Variants in C1D observed in about 807,000 individuals in gnomAD.
C1D encodes the protein nuclear nucleic acid-binding protein C1D.
In C1D, 10 loss-of-function variants were observed where a neutral mutation model predicts 17.5. That is an observed-to-expected ratio of 0.57 (90% CI 0.35 to 0.97). C1D has a LOEUF of 0.97. Among genes scored for constraint, C1D ranks in the 50% least tolerant of loss-of-function variants. The pLI, the probability that C1D is intolerant of heterozygous loss-of-function variation, is 0.01. For synonymous variants in C1D, 49 were observed against 54.0 expected (o/e 0.91, Z 0.40); for missense variants, 136 against 160.1 (o/e 0.85, Z 0.81).
intron 1 of C1D, among the ~76,000 whole-genome samples, chr2:68,049,581 C>G (rs1671226028): frequency 6.6e-6 from 1 of 152,084 alleles, no homozygotes; most frequent in Admixed American, 6.5e-5. Flanking sequence ...AGTCAAAGAC[C>G]TACCCTACAA....
chr2:68,043,057 A>G lies in C1D; in HGVS notation c.262-4T>C. The G allele has an allele frequency of 6.3e-7, 1 of 1,577,676 alleles. No individual in the cohort carries two copies. Among genetic ancestry groups the G allele is most frequent in the African/African-American group, 1.4e-5 (1 of 72,900 alleles). ...TCATATATACTCTGATTCTTTCCTT[A>G]AAGATAAAAAACAAAGGCAATAGAT... is the stretch of plus-strand genomic sequence containing the variant. On this transcript the variant is annotated splice_region_variant and splice_polypyrimidine_tract_variant and intron_variant, in intron 4 of 4. Transcript: ENST00000410067.
chr2:68,046,168 T>C, intron 3 of C1D, 125 bp from the exon 4 acceptor site: 1 of 840,886 alleles, frequency 1.2e-6, no homozygotes, highest in Non-Finnish European at 1.9e-6. Context: ...AATTATTCAA[T>C]TTCCATGTAA....
chr2:68,046,329 A>G lies in C1D; in HGVS notation c.205+15T>C. On this transcript the variant is annotated intron_variant, in intron 3 of 4. Transcript: ENST00000410067. Reference sequence around the variant, plus strand: ...GTAATTTGCTTTCTAATTAATTCCAAAGTAACACACATACCCCAAAACATT... The same window carrying G: ...GTAATTTGCTTTCTAATTAATTCCAGAGTAACACACATACCCCAAAACATT... 1 of 1,590,954 alleles carries G rather than the reference A, an allele frequency of 6.3e-7. No individual in the cohort carries two copies. Among genetic ancestry groups the G allele is most frequent in the Non-Finnish European group, 8.6e-7 (1 of 1,164,158 alleles).
chr2:68,052,208 T>TA (rs950548591), intron 1 of C1D, among the ~76,000 whole-genome samples: 13 of 151,394 alleles, frequency 8.6e-5, no homozygotes, highest in Admixed American at 1.3e-4. Context: ...ATTTGGTTTT[T>TA]AAAAAAAAAT....
intron 1 of C1D, among the ~76,000 whole-genome samples, chr2:68,057,703 A>G (rs183496032): frequency 1.8e-4 from 27 of 152,270 alleles, no homozygotes; most frequent in African/African-American, 6.0e-4. Context: ...GATCATCTCA[A>G]ATTTTGAAAT....
chr2:68,053,174 A>C (rs773329582), intron 1 of C1D: 1 of 1,550,466 alleles, frequency 6.4e-7, no homozygotes, highest in South Asian at 1.2e-5. Flanking sequence ...GGCATGAGAA[A>C]ACTTGCTTCT....
At chr2:68,057,765 C>G (rs1558585743) in intron 1 of C1D, among the ~76,000 whole-genome samples, 1 of 152,160 alleles carries the variant, frequency 6.6e-6, no homozygotes, top group South Asian at 2.1e-4. Context: ...CCCTACTTAG[C>G]AGCAACAACT....
In C1D at chr2:68,042,350, T is replaced by C. The variant is rs958223926; in HGVS notation, c.*539A>G. The C allele has an allele frequency of 4.3e-4, 66 of 152,738 alleles. No homozygotes were observed. Among genetic ancestry groups the C allele is most frequent in the African/African-American group, 1.5e-3 (62 of 41,580 alleles). The allele number at this position is 152,738 out of a possible 1,614,324, so 9.5% of individuals were successfully genotyped here. A position where few individuals can be genotyped will look rare whatever the true frequency, so the allele number is the denominator to read the frequency against. ...AGAGGCAACATGCCAAGAATTAAAG[T>C]ACAACCATAAAGTTTTAGTTTCACA... On this transcript the variant is annotated 3_prime_UTR_variant, in exon 5 of 5. Transcript: ENST00000410067.
At chr2:68,054,847 T>C (rs1028587640) in intron 1 of C1D, among the ~76,000 whole-genome samples, 1 of 151,814 alleles carries the variant, frequency 6.6e-6, no homozygotes, top group African/African-American at 2.4e-5. Flanking sequence ...ACACCAGTAG[T>C]CCTAGCTACT....
chr2:68,062,845 C>T (rs1671676600), intron 1 of C1D, 113 bp downstream of exon 1: 2 of 152,220 alleles, frequency 1.3e-5, no homozygotes, highest in South Asian at 4.1e-4. Flanking sequence ...GGCTACGCAG[C>T]CAAACTCCGA....
rs539835105 is a variant in C1D at position 68,057,566 on chromosome 2, C to T, written c.-10+5392G>A. ...TCCAAAAGAAGCTGTTAACTGTGGT[C>T]ACTTCTGGGAAACAAAAAGCAAGAA... On this transcript the variant is annotated intron_variant, in intron 1 of 4. Coordinates refer to ENST00000410067, the MANE Select transcript of C1D (RefSeq NM_173177.3). Among the ~76,000 whole-genome samples, 3 of 152,244 alleles carry T rather than the reference C, an allele frequency of 2.0e-5. No homozygotes were observed. In the East Asian group the frequency reaches 5.8e-4, roughly 29 times the overall value.
intron 3 of C1D, 39 bp downstream of exon 3, chr2:68,046,305 T>C: frequency 7.2e-7 from 1 of 1,379,802 alleles, no homozygotes; most frequent in Admixed American, 1.7e-5. Flanking sequence ...ACACAATAAG[T>C]AATTTGCTTT....
intron 1 of C1D, among the ~76,000 whole-genome samples, chr2:68,050,839 C>T (rs1671258561): frequency 6.6e-6 from 1 of 152,236 alleles, no homozygotes; most frequent in Non-Finnish European, 1.5e-5. Context: ...CTAATAAATT[C>T]TCAAACAGAA....
chr2:68,045,426 A>AT, intron 4 of C1D, among the ~76,000 whole-genome samples: 1 of 152,240 alleles, frequency 6.6e-6, no homozygotes, highest in African/African-American at 2.4e-5. Flanking sequence ...CAGACCTTAT[A>AT]TACTGTACTT....
intron 1 of C1D, among the ~76,000 whole-genome samples, chr2:68,057,991 C>G (rs150958734): frequency 1.3e-5 from 2 of 152,342 alleles, no homozygotes; most frequent in East Asian, 3.9e-4. Context: ...GCCAACCATT[C>G]TAGCTCTAGG....
chr2:68,046,421 AG>A lies in C1D; in HGVS notation c.139-12del. ...TTCAAGTGGATCCAACTGTTAAAAA[AG>A]AAAGAGAGAGGGAAAGAGAGAAAGT... is the stretch of plus-strand genomic sequence containing the variant. On this transcript the variant is annotated splice_polypyrimidine_tract_variant and intron_variant, in intron 2 of 4. Transcript: ENST00000410067. 2 of 1,594,296 alleles carry A rather than the reference AG, an allele frequency of 1.3e-6. No homozygotes were observed.
At chr2:68,046,145 CAATT>C (rs1671114393) in intron 3 of C1D, 102 bp from the exon 4 acceptor site, 1 of 909,632 alleles carries the variant, frequency 1.1e-6, no homozygotes. Flanking sequence ...GTCCTACAAA[CAATT>C]AAACTTTAAA....
chr2:68,054,011 ATT>A (rs1377392599), intron 1 of C1D, among the ~76,000 whole-genome samples: 4 of 152,160 alleles, frequency 2.6e-5, no homozygotes, highest in East Asian at 3.8e-4. Context: ...ATGTATTTTT[ATT>A]TACTTGACTT....
At chr2:68,060,359 AG>A (rs1478649052) in intron 1 of C1D, among the ~76,000 whole-genome samples, 1 of 152,190 alleles carries the variant, frequency 6.6e-6, no homozygotes, top group Non-Finnish European at 1.5e-5. Context: ...AACGTGAGTC[AG>A]GCTGGGCGCA....
Sources: allele counts gnomAD v4.1 joint callset (sites outside exome capture counted in the v4.1 genomes callset), GRCh38; gene constraint gnomAD v4.1.1; transcripts MANE v1.5; gene names NCBI Gene and HGNC (gene_info 2026-07-23, HGNC 2026-07-21).